The following LAMA2 variants were observed in gnomAD, a reference collection of about 807,000 sequenced individuals.
The protein encoded by LAMA2 is laminin subunit alpha 2.
Under a neutral mutation model 364.8 loss-of-function variants are expected in LAMA2, and 269 were observed. The observed-to-expected ratio is 0.74, with a 90% CI of 0.67 to 0.82. The LOEUF (loss-of-function observed/expected upper bound fraction) is 0.82. Among genes scored for constraint, LAMA2 ranks in the 40% least tolerant of loss-of-function variants. The pLI is 0.00. For synonymous variants in LAMA2, 1,379 were observed against 1,370.6 expected, an observed-to-expected ratio of 1.01 and a Z score of -0.14; for missense variants, 3,807 against 3,873.2, an observed-to-expected ratio of 0.98 and a Z score of 0.45.
intron 1 of LAMA2, among the ~76,000 whole-genome samples, chr6:128,983,000 T>C (rs1277309532): frequency 6.6e-6 from 1 of 151,078 alleles, no homozygotes; most frequent in African/African-American, 2.5e-5. Flanking sequence ...ATTTTCTTAA[T>C]CCAGTCTATC....
intron 43 of LAMA2, chr6:129,442,325 G>T: frequency 1.4e-6 from 1 of 694,306 alleles, no homozygotes; most frequent in Non-Finnish European, 1.9e-6. Flanking sequence ...TCAGAGCCAG[G>T]GTGAAAAAGG....
chr6:129,121,012 G>A (rs532552593), intron 4 of LAMA2, among the ~76,000 whole-genome samples: 13 of 152,274 alleles, frequency 8.5e-5, no homozygotes, highest in African/African-American at 3.1e-4. Context: ...ATGCTGAAAT[G>A]ATTAACATTA....
intron 1 of LAMA2, among the ~76,000 whole-genome samples, chr6:128,917,454 A>G (rs1459390106): frequency 6.6e-6 from 1 of 152,010 alleles, no homozygotes; most frequent in Non-Finnish European, 1.5e-5. Flanking sequence ...TTTGTTTTAT[A>G]TATGACCTAT....
At chr6:129,142,489 T>A (rs1266319883) in intron 4 of LAMA2, among the ~76,000 whole-genome samples, 1 of 151,968 alleles carries the variant, frequency 6.6e-6, no homozygotes, top group East Asian at 1.9e-4. Flanking sequence ...CCCCCAAATA[T>A]CATCACATTT....
intron 42 of LAMA2, among the ~76,000 whole-genome samples, chr6:129,440,062 G>A (rs1782029502): frequency 6.6e-6 from 1 of 152,010 alleles, no homozygotes; most frequent in Admixed American, 6.6e-5. Flanking sequence ...TTACAGGTGA[G>A]AAACAGACAG....
chr6:128,962,857 T>C (rs769587031), intron 1 of LAMA2, among the ~76,000 whole-genome samples: 22 of 152,332 alleles, frequency 1.4e-4, no homozygotes, highest in Middle Eastern at 3.4e-3. Flanking sequence ...TTCTCTTCAT[T>C]TGAAAACAGA....
chr6:129,088,674 G>T (rs920832352), intron 3 of LAMA2, among the ~76,000 whole-genome samples: 2 of 151,020 alleles, frequency 1.3e-5, no homozygotes, highest in Non-Finnish European at 3.0e-5. Context: ...CTTCTCAGAC[G>T]GGGCGGCTGC....
At chr6:128,921,697 G>GTTTTTTTTTT (rs547882651) in intron 1 of LAMA2, among the ~76,000 whole-genome samples, 4 of 118,068 alleles carry the variant, frequency 3.4e-5, no homozygotes, top group African/African-American at 1.5e-4. Flanking sequence ...ATGAATGTCT[G>GTTTTTTTTTT]TTTTTTTTTT....
chr6:129,229,209 A>C (rs1292146641), intron 12 of LAMA2, among the ~76,000 whole-genome samples: 1 of 152,204 alleles, frequency 6.6e-6, no homozygotes, highest in Non-Finnish European at 1.5e-5. Flanking sequence ...AATGACAAGA[A>C]AAAAAGTAGA....
intron 51 of LAMA2, among the ~76,000 whole-genome samples, chr6:129,471,677 T>A (rs1394031451): frequency 6.6e-6 from 1 of 151,912 alleles, no homozygotes; most frequent in African/African-American, 2.4e-5. Context: ...CCCAGTCCAG[T>A]CAAGGAGATA....
At chr6:128,902,702 C>T (rs66922212) in intron 1 of LAMA2, among the ~76,000 whole-genome samples, 16,062 of 152,046 alleles carry the variant, frequency 0.11, 899 homozygotes, top group African/African-American at 0.15. Flanking sequence ...TTTTTAGAGA[C>T]AGGGTCTCCC....
At chr6:129,326,795 A>T (rs975916957) in intron 28 of LAMA2, among the ~76,000 whole-genome samples, 12 of 144,468 alleles carry the variant, frequency 8.3e-5, no homozygotes, top group Admixed American at 6.5e-4. Context: ...TATATATATA[A>T]TTAATATATA....
chr6:129,053,322 C>T (rs1788224819), intron 2 of LAMA2, among the ~76,000 whole-genome samples: 1 of 152,178 alleles, frequency 6.6e-6, no homozygotes, highest in Admixed American at 6.5e-5. Context: ...GCCTCGGCCT[C>T]CCAAAGTGCT....
chr6:128,994,933 A>T (rs956048777), intron 1 of LAMA2, among the ~76,000 whole-genome samples: 4 of 152,132 alleles, frequency 2.6e-5, no homozygotes, highest in Non-Finnish European at 5.9e-5. Flanking sequence ...TTAGTAAAGA[A>T]ATCCCATGAT....
chr6:129,471,575 C>A (rs1336454574), intron 51 of LAMA2, among the ~76,000 whole-genome samples: 1 of 151,678 alleles, frequency 6.6e-6, no homozygotes, highest in Non-Finnish European at 1.5e-5. Context: ...AGTCAACAGC[C>A]CCATATGAAA....
rs548096174 is a variant in LAMA2, at chr6:129,512,592, C to T, written c.8988+99C>T. ...GAAACTCGAATATTTTGAAGCCCGG[C>T]TGTATTCTTTGTTGGGAGAAAGCTA... On this transcript the variant is annotated intron_variant, in intron 63 of 64. Coordinates refer to ENST00000421865, the MANE Select transcript of LAMA2 (RefSeq NM_000426.4). The T allele has an allele frequency of 2.8e-5, 37 of 1,339,118 alleles. No individual in the cohort carries two copies. In the South Asian group the frequency reaches 4.0e-4, roughly 14 times the overall value. 83.0% of individuals were successfully genotyped at this position (1,339,118 alleles called of 1,614,324 possible).
At chr6:129,308,473 A>C (rs1182780534) in intron 22 of LAMA2, among the ~76,000 whole-genome samples, 2 of 152,178 alleles carry the variant, frequency 1.3e-5, no homozygotes, top group Admixed American at 1.3e-4. Context: ...ATACATTCCA[A>C]GTTTCTATGA....
At chr6:129,017,577 A>C (rs1187303954) in intron 1 of LAMA2, among the ~76,000 whole-genome samples, 1 of 152,058 alleles carries the variant, frequency 6.6e-6, no homozygotes, top group African/African-American at 2.4e-5. Flanking sequence ...ATGGTTTTTC[A>C]TAATTTCATG....
chr6:129,194,859 G>A (rs184218855), intron 12 of LAMA2, among the ~76,000 whole-genome samples: 24 of 152,256 alleles, frequency 1.6e-4, no homozygotes, highest in African/African-American at 5.5e-4. Flanking sequence ...GCTTAGCTTG[G>A]TTGATTTAAT....
Sources: gnomAD v4.1 joint callset for allele counts (sites outside exome capture counted in the v4.1 genomes callset) on GRCh38, gnomAD v4.1.1 for gene constraint, MANE v1.5 for transcripts, NCBI Gene and HGNC (gene_info 2026-07-23, HGNC 2026-07-21) for gene names.